Variants in SLC45A4 observed in about 807,000 individuals in gnomAD.
SLC45A4 encodes the protein solute carrier family 45 member 4, also known as polyamine-transporter SLC45A4.
In SLC45A4, 32 loss-of-function variants were observed where a neutral mutation model predicts 63.7. The observed-to-expected ratio is 0.50, with a 90% confidence interval of 0.38 to 0.67. The LOEUF (loss-of-function observed/expected upper bound fraction) is 0.67, where lower values mean the gene tolerates loss of function less well. Among genes scored for constraint, SLC45A4 ranks in the 30% least tolerant of loss-of-function variants. The probability of loss-of-function intolerance (pLI) is 0.00; values close to 1 mark genes in which losing one functional copy is unlikely to be tolerated. For synonymous variants in SLC45A4, 535 were observed against 510.0 expected (o/e 1.05, Z -0.66); for missense variants, 1,027 against 1,157.7 (o/e 0.89, Z 1.64).
At position 141,254,065 on chromosome 8, in the gene SLC45A4, G is replaced by A. The variant is rs759569292; in HGVS notation, c.165C>T (p.His55=). The change falls in exon 2 of 9, where the codon CAC becomes CAT. Residue 55 remains histidine (H), a synonymous_variant. Transcript: ENST00000517878. This position sits in a 1 kb window ranked among gnomAD's most constrained non-coding sequence, Gnocchi z 4.5. ...DRIPMRLWVM[H]GAVMFGREFC... Reference sequence around the variant, plus strand: ...ACTCCCTGCCAAACATCACCGCCCCGTGCATCACCCACAGGCGCATGGGGA... The same window carrying A: ...ACTCCCTGCCAAACATCACCGCCCCATGCATCACCCACAGGCGCATGGGGA... The A allele has an allele frequency of 3.9e-5, 60 of 1,536,008 alleles. 1 individual carries two copies. The South Asian group carries it at 4.9e-4, about 12-fold the overall frequency.
intron 1 of SLC45A4, among the ~76,000 whole-genome samples, chr8:141,302,217 T>C (rs1830767088): frequency 1.3e-5 from 2 of 152,220 alleles, no homozygotes; most frequent in Admixed American, 6.5e-5. Flanking sequence ...GGACCAAAAA[T>C]TTAAACATCA....
At chr8:141,260,072 T>A (rs1387639883) in intron 1 of SLC45A4, among the ~76,000 whole-genome samples, 1 of 152,142 alleles carries the variant, frequency 6.6e-6, no homozygotes, top group Non-Finnish European at 1.5e-5. Flanking sequence ...ACGCAAGTAG[T>A]CTACGCATGG....
At chr8:141,235,989 G>A (rs554779262) in intron 2 of SLC45A4, among the ~76,000 whole-genome samples, 14 of 151,984 alleles carry the variant, frequency 9.2e-5, no homozygotes, top group African/African-American at 2.9e-4. Flanking sequence ...CTGTAATCCC[G>A]GCTACTCAGG....
chr8:141,274,608 G>A (rs1829663213), intron 1 of SLC45A4, among the ~76,000 whole-genome samples: 1 of 150,804 alleles, frequency 6.6e-6, no homozygotes, highest in South Asian at 2.1e-4. Flanking sequence ...CCTGGGGCTA[G>A]ATTTATTCCT....
At chr8:141,260,737 C>T (rs762154081) in intron 1 of SLC45A4, among the ~76,000 whole-genome samples, 1 of 152,160 alleles carries the variant, frequency 6.6e-6, no homozygotes, top group Non-Finnish European at 1.5e-5. Context: ...TAATCAATAG[C>T]TTACCAACCA....
intron 1 of SLC45A4, among the ~76,000 whole-genome samples, chr8:141,257,830 C>A (rs1828862885): frequency 6.6e-6 from 1 of 152,104 alleles, no homozygotes; most frequent in African/African-American, 2.4e-5. Flanking sequence ...CAGAGAAGGC[C>A]CTGGCCCAGA....
intron 1 of SLC45A4, among the ~76,000 whole-genome samples, chr8:141,306,986 T>TG (rs1180920487): frequency 6.6e-6 from 1 of 152,172 alleles, no homozygotes; most frequent in South Asian, 2.1e-4. Context: ...AGGTATCAGA[T>TG]GGGGGTCAGT....
At chr8:141,283,993 CAA>C (rs994948443) in intron 1 of SLC45A4, among the ~76,000 whole-genome samples, 10 of 152,352 alleles carry the variant, frequency 6.6e-5, no homozygotes, top group African/African-American at 1.9e-4. Flanking sequence ...GCCTGAGACG[CAA>C]AGTCTTCCTG....
rs1437030849 is a variant in SLC45A4 at position 141,215,535 on chromosome 8, AG to A, written c.1941+223del. Among the ~76,000 whole-genome samples the A allele has an allele frequency of 6.6e-6, 1 of 151,024 alleles. No homozygotes were observed. The highest frequency in any genetic ancestry group is 6.6e-5 in the Admixed American group (1 of 15,196). On this transcript the variant is annotated intron_variant, in intron 7 of 8. Coordinates refer to ENST00000517878, the MANE Select transcript of SLC45A4 (RefSeq NM_001286646.2). The surrounding 1 kb of genome is among the most constrained non-coding windows in gnomAD (Gnocchi z 4.3). ...GCCTCCAGAAGCCTCTGGAGGTGCTAGGGGGGTGGGGGCGGCTGAAGGAGAA... is the reference window on the plus strand; with the variant it reads ...GCCTCCAGAAGCCTCTGGAGGTGCTAGGGGGTGGGGGCGGCTGAAGGAGAA...
At chr8:141,299,924 G>A (rs537464131) in intron 1 of SLC45A4, among the ~76,000 whole-genome samples, 3 of 152,280 alleles carry the variant, frequency 2.0e-5, no homozygotes, top group East Asian at 3.9e-4. Context: ...GATTTAATCC[G>A]GTTCTGTGGG....
intron 1 of SLC45A4, among the ~76,000 whole-genome samples, chr8:141,305,836 CCAAG>C (rs1306033374): frequency 6.6e-6 from 1 of 152,230 alleles, no homozygotes; most frequent in Non-Finnish European, 1.5e-5. Context: ...CCATTCACCA[CCAAG>C]CAACCTCAAG....
At chr8:141,279,876 T>G (rs7008980) in intron 1 of SLC45A4, among the ~76,000 whole-genome samples, 1 of 152,194 alleles carries the variant, frequency 6.6e-6, no homozygotes, top group Admixed American at 6.5e-5. Context: ...ATTAATAAAG[T>G]TCCCCCCAAA....
At chr8:141,230,828 G>A (rs1827306643) in intron 2 of SLC45A4, among the ~76,000 whole-genome samples, 1 of 152,244 alleles carries the variant, frequency 6.6e-6, no homozygotes, top group African/African-American at 2.4e-5. Context: ...CAGGCGTGGT[G>A]AGTGCATTCT....
At chr8:141,301,674 G>A (rs1340984992) in intron 1 of SLC45A4, among the ~76,000 whole-genome samples, 3 of 138,634 alleles carry the variant, frequency 2.2e-5, no homozygotes, top group Non-Finnish European at 4.6e-5. Flanking sequence ...GGTCGAGGCT[G>A]CAGTGAGCCA....
chr8:141,293,908 G>A (rs1281037544), intron 1 of SLC45A4, among the ~76,000 whole-genome samples: 2 of 151,364 alleles, frequency 1.3e-5, no homozygotes, highest in African/African-American at 4.9e-5. Flanking sequence ...ACTCCAGCCT[G>A]GGCAACAGAG....
At chr8:141,285,936 T>C (rs1830127736) in intron 1 of SLC45A4, among the ~76,000 whole-genome samples, 1 of 152,164 alleles carries the variant, frequency 6.6e-6, no homozygotes, top group Non-Finnish European at 1.5e-5. Context: ...GGCACCTCCT[T>C]GACACTGTTC....
chr8:141,219,841 A>C lies in SLC45A4; in HGVS notation c.431-12T>G. 1 of 1,558,822 alleles carries C rather than the reference A, an allele frequency of 6.4e-7. No homozygotes were observed. Among genetic ancestry groups the C allele is most frequent in the Non-Finnish European group, 8.7e-7 (1 of 1,152,294 alleles). ...GCCGAGGGCCAGACCTGCGCAGAGC[A>C]CACGGGAGGGCGGTCAGGTCCTCAA... On this transcript the variant is annotated splice_polypyrimidine_tract_variant and intron_variant, in intron 3 of 8. Transcript: ENST00000517878.
At chr8:141,277,885 G>A (rs560036864) in intron 1 of SLC45A4, among the ~76,000 whole-genome samples, 36 of 152,032 alleles carry the variant, frequency 2.4e-4, no homozygotes, top group African/African-American at 7.2e-4. Flanking sequence ...CTCGTGATCC[G>A]CCTGCTTCAG....
chr8:141,257,242 G>GC (rs1489101197), intron 1 of SLC45A4, among the ~76,000 whole-genome samples: 1 of 152,100 alleles, frequency 6.6e-6, no homozygotes, highest in Non-Finnish European at 1.5e-5. Context: ...TTCTTGTTCC[G>GC]CCCCCACCTT....
Sources: gnomAD v4.1 joint callset for allele counts (sites outside exome capture counted in the v4.1 genomes callset) on GRCh38, gnomAD v4.1.1 for gene constraint, Gnocchi (gnomAD v3.1) non-coding constraint, MANE v1.5 for transcripts, NCBI Gene and HGNC (gene_info 2026-07-23, HGNC 2026-07-21) for gene names.